The following UNC13C variants were observed in gnomAD, a reference collection of about 807,000 sequenced individuals.
UNC13C encodes unc-13 homolog C, also known as protein unc-13 homolog C.
UNC13C carries 174 observed loss-of-function variants against 245.4 expected under a neutral mutation model. That is an observed-to-expected ratio of 0.71 (90% CI 0.63 to 0.80). The LOEUF (loss-of-function observed/expected upper bound fraction) is 0.80. Ranked by LOEUF, UNC13C falls within the 30% of genes least tolerant of loss-of-function variation. The pLI is 0.00. For synonymous variants in UNC13C, 992 were observed against 895.1 expected (o/e 1.11, Z -1.93); for missense variants, 2,829 against 2,602.9 (o/e 1.09, Z -1.89).
the UNC13C span, among the ~76,000 whole-genome samples, chr15:53,853,027 A>G: frequency 6.8e-6 from 1 of 147,552 alleles, no homozygotes; most frequent in African/African-American, 2.5e-5. Flanking sequence ...TTCAACTTTT[A>G]TTTTAAGTAC....
chr15:54,363,884 C>G (rs1849212), intron 17 of UNC13C, among the ~76,000 whole-genome samples: 1 of 151,922 alleles, frequency 6.6e-6, no homozygotes, highest in Non-Finnish European at 1.5e-5. Flanking sequence ...AGGTCCTGAG[C>G]AATTATAGAT....
At chr15:54,624,302 G>C (rs779088952) in intron 32 of UNC13C, among the ~76,000 whole-genome samples, 1 of 152,140 alleles carries the variant, frequency 6.6e-6, no homozygotes, top group Non-Finnish European at 1.5e-5. Context: ...TGCTTTGCCT[G>C]GGAGGTCAGG....
chr15:54,626,630 TC>T (rs1447847528), intron 32 of UNC13C, among the ~76,000 whole-genome samples, 197 bp from the exon 33 acceptor site: 5 of 152,108 alleles, frequency 3.3e-5, no homozygotes, highest in Non-Finnish European at 7.4e-5. Flanking sequence ...TTTTTTTCTG[TC>T]TTTTCTATCT....
intron 2 of UNC13C, among the ~76,000 whole-genome samples, chr15:54,088,391 T>G (rs1899370491): frequency 6.6e-6 from 1 of 152,056 alleles, no homozygotes; most frequent in African/African-American, 2.4e-5. Context: ...GGACATGCTA[T>G]TTGGACCATG....
chr15:54,515,920 C>T (rs1894954253), intron 24 of UNC13C, among the ~76,000 whole-genome samples: 1 of 152,170 alleles, frequency 6.6e-6, no homozygotes, highest in Admixed American at 6.5e-5. Flanking sequence ...AGAGTAACTT[C>T]ACATAAGTCC....
intron 19 of UNC13C, among the ~76,000 whole-genome samples, chr15:54,469,964 C>T (rs1892370667): frequency 6.6e-6 from 1 of 151,470 alleles, no homozygotes; most frequent in African/African-American, 2.4e-5. Flanking sequence ...TATGTTTTAT[C>T]ATAAAGTGAT....
At chr15:54,067,339 C>A (rs1315685905) in intron 2 of UNC13C, among the ~76,000 whole-genome samples, 1 of 152,144 alleles carries the variant, frequency 6.6e-6, no homozygotes, top group African/African-American at 2.4e-5. Context: ...TTTAGGCCAA[C>A]ACACTCCACA....
chr15:54,394,721 C>G (rs911801161), intron 18 of UNC13C, among the ~76,000 whole-genome samples: 1 of 151,686 alleles, frequency 6.6e-6, no homozygotes, highest in Non-Finnish European at 1.5e-5. Flanking sequence ...CTTTAATAAT[C>G]AAAGAAATTT....
chr15:54,212,305 C>G (rs2034905265), intron 4 of UNC13C, among the ~76,000 whole-genome samples: 2 of 152,140 alleles, frequency 1.3e-5, no homozygotes, highest in South Asian at 4.1e-4. Flanking sequence ...AGGAAAAATT[C>G]AGGTAGATGT....
Position 53,978,689 on chromosome 15 carries a change from T to C in UNC13C, c.-495T>C, listed in dbSNP as rs1893800023. 1.3e-5 allele frequency among the ~76,000 whole-genome samples: 2 copies of C among 151,998 alleles called. No homozygotes were observed. Among genetic ancestry groups the C allele is most frequent in the Non-Finnish European group, 2.9e-5 (2 of 67,998 alleles). Reference sequence around the variant, plus strand: ...CTTCGGAGGCTACCCGGGAGTGCGATAGAATTGACAAGAAAAGAACAGACA... The same window carrying C: ...CTTCGGAGGCTACCCGGGAGTGCGACAGAATTGACAAGAAAAGAACAGACA... On this transcript the variant is annotated 5_prime_UTR_variant, in exon 1 of 33. Coordinates refer to ENST00000260323, the MANE Select transcript of UNC13C (RefSeq NM_001080534.3).
chr15:54,457,823 C>T, intron 19 of UNC13C, among the ~76,000 whole-genome samples: 1 of 150,562 alleles, frequency 6.6e-6, no homozygotes, highest in Middle Eastern at 3.4e-3. Context: ...TTTTAAACAA[C>T]CAGGTTTCTG....
chr15:54,081,043 C>A (rs1272276679), intron 2 of UNC13C, among the ~76,000 whole-genome samples: 2 of 151,976 alleles, frequency 1.3e-5, no homozygotes, highest in Non-Finnish European at 1.5e-5. Context: ...TTAAAAACTT[C>A]TGCCTTAATT....
At chr15:54,398,115 TGAG>T (rs1226223292) in intron 18 of UNC13C, among the ~76,000 whole-genome samples, 1 of 151,372 alleles carries the variant, frequency 6.6e-6, no homozygotes, top group Non-Finnish European at 1.5e-5. Flanking sequence ...TTTATCAAGT[TGAG>T]GAAGTTCTGT....
intron 4 of UNC13C, among the ~76,000 whole-genome samples, chr15:54,215,566 A>G (rs529749925): frequency 1.3e-5 from 2 of 152,146 alleles, no homozygotes; most frequent in East Asian, 3.9e-4. Flanking sequence ...GAGCTTTAAT[A>G]GGTCAAATGC....
chr15:54,495,784 G>C lies in UNC13C; in HGVS notation c.5060+1050G>C, dbSNP rs369958324. On this transcript the variant is annotated intron_variant, in intron 20 of 32. Transcript: ENST00000260323. ...GTGGGAGTTGGAAGAGACAAGGAAT[G>C]GGGGGCAGAGAAGAGATTTAGAAGG... Among the ~76,000 whole-genome samples the C allele has an allele frequency of 2.0e-5, 3 of 152,058 alleles. No individual in the cohort carries two copies. The East Asian group carries it at 5.8e-4, about 29-fold the overall frequency.
At chr15:54,356,743 T>C (rs1246331038) in intron 17 of UNC13C, among the ~76,000 whole-genome samples, 5 of 152,192 alleles carry the variant, frequency 3.3e-5, no homozygotes, top group African/African-American at 1.2e-4. Flanking sequence ...ATAAAACATA[T>C]GATTTTTTGT....
chr15:54,240,900 C>T (rs988963648), intron 7 of UNC13C, among the ~76,000 whole-genome samples: 2 of 152,100 alleles, frequency 1.3e-5, no homozygotes, highest in African/African-American at 2.4e-5. Flanking sequence ...TATATCCATT[C>T]GGTAATTCAA....
intron 2 of UNC13C, among the ~76,000 whole-genome samples, chr15:54,067,617 G>A (rs562581532): frequency 3.9e-5 from 6 of 152,266 alleles, no homozygotes; most frequent in East Asian, 3.9e-4. Flanking sequence ...TTACAGTTTC[G>A]ATAGATATAT....
intron 10 of UNC13C, among the ~76,000 whole-genome samples, chr15:54,278,493 G>A (rs759573259): frequency 1.3e-5 from 2 of 152,094 alleles, no homozygotes; most frequent in African/African-American, 2.4e-5. Flanking sequence ...GATCAATGCT[G>A]TTCTCAAATG....
Sources: gnomAD v4.1 joint callset for allele counts (sites outside exome capture counted in the v4.1 genomes callset) on GRCh38, gnomAD v4.1.1 for gene constraint, MANE v1.5 for transcripts, NCBI Gene and HGNC (gene_info 2026-07-23, HGNC 2026-07-21) for gene names.